Variants in KCNG3 observed in about 807,000 individuals in gnomAD.
KCNG3 encodes voltage-gated potassium channel regulatory subunit KCNG3.
In KCNG3, 15 loss-of-function variants were observed where a neutral mutation model predicts 29.0. That is an observed-to-expected ratio of 0.52 (90% confidence interval 0.35 to 0.80). KCNG3 has a LOEUF of 0.80. Ranked by LOEUF, KCNG3 falls within the 30% of genes least tolerant of loss-of-function variation. The pLI is 0.01. For missense variants in KCNG3, 512 were observed against 605.7 expected (o/e 0.85, Z 1.62); for synonymous variants, 322 against 248.9 (o/e 1.29, Z -2.76).
the KCNG3 span, among the ~76,000 whole-genome samples, chr2:42,426,163 C>T: frequency 1.3e-5 from 2 of 152,080 alleles, no homozygotes; most frequent in Non-Finnish European, 2.9e-5. Flanking sequence ...TTTAAAGATA[C>T]TATTAAAGAT....
intron 1 of KCNG3, among the ~76,000 whole-genome samples, chr2:42,446,266 G>A (rs1009900624): frequency 8.6e-5 from 13 of 151,372 alleles, no homozygotes; most frequent in East Asian, 2.0e-4. Context: ...AACCTCTGCC[G>A]CCTGGGTTCA....
chr2:42,421,844 T>A, the KCNG3 span, among the ~76,000 whole-genome samples: 2 of 152,202 alleles, frequency 1.3e-5, no homozygotes, highest in Non-Finnish European at 2.9e-5. Context: ...AGTGGACAAA[T>A]GCTTTAACAA....
In KCNG3 at chr2:42,462,420, C is replaced by T. The variant is rs557720632; in HGVS notation, c.666-17841G>A. On this transcript the variant is annotated intron_variant, in intron 1 of 1. Transcript: ENST00000306078. The stretch of plus-strand genomic sequence containing the variant: ...GATCTGTCTAAAAAGATCCCTTAGC[C>T]GGGTGCAGTGGCTCATGCCTGTAAT... Among the ~76,000 whole-genome samples the T allele has an allele frequency of 2.6e-5, 4 of 152,302 alleles. No individual in the cohort carries two copies. The East Asian group carries it at 5.8e-4, about 22-fold the overall frequency.
At chr2:42,409,185 C>T in the KCNG3 span, among the ~76,000 whole-genome samples, 1 of 151,964 alleles carries the variant, frequency 6.6e-6, no homozygotes, top group East Asian at 1.9e-4. Context: ...GCCTGCCAGG[C>T]CAAGTGAGTG....
chr2:42,447,848 T>C (rs1445877775), intron 1 of KCNG3, among the ~76,000 whole-genome samples: 1 of 152,184 alleles, frequency 6.6e-6, no homozygotes, highest in African/African-American at 2.4e-5. Flanking sequence ...AATACGTTTG[T>C]ATATCATTTC....
chr2:42,441,881 G>C (rs1476220658), downstream of KCNG3: 1 of 75,252 alleles, frequency 1.3e-5, no homozygotes, highest in African/African-American at 4.5e-5. Context: ...TCAACTGTTT[G>C]TGCCCAAGTC....
intron 1 of KCNG3, among the ~76,000 whole-genome samples, chr2:42,479,573 T>C (rs1325541747): frequency 1.3e-5 from 2 of 148,324 alleles, no homozygotes; most frequent in South Asian, 2.1e-4. Flanking sequence ...TTGAGCTCAG[T>C]AGGTCGAGGC....
At chr2:42,433,609 C>T in the KCNG3 span, among the ~76,000 whole-genome samples, 1 of 152,200 alleles carries the variant, frequency 6.6e-6, no homozygotes, top group South Asian at 2.1e-4. Context: ...CGTGGTAGCG[C>T]ACCCCTGTAA....
At position 42,442,026 on chromosome 2, in the gene KCNG3, A is replaced by C. The variant is rs1672497296; in HGVS notation, c.*1908T>G. On this transcript the variant is annotated 3_prime_UTR_variant, in exon 2 of 2. Coordinates refer to ENST00000306078, the MANE Select transcript of KCNG3 (RefSeq NM_133329.6). ...CCCAGTACCAGTAAAATTGATGGTT[A>C]TCATATTTTTATTAGTAATATGGAG... 1 of 151,880 alleles carries C rather than the reference A, an allele frequency of 6.6e-6. No homozygotes were observed. The highest frequency in any genetic ancestry group is 1.5e-5 in the Non-Finnish European group (1 of 68,012). The allele number at this position is 151,880 out of a possible 1,614,324, so 9.4% of individuals were successfully genotyped here. A position where few individuals can be genotyped will look rare whatever the true frequency, so the allele number is the denominator to read the frequency against.
At chr2:42,406,207 C>A in the KCNG3 span, among the ~76,000 whole-genome samples, 1 of 151,948 alleles carries the variant, frequency 6.6e-6, no homozygotes, top group African/African-American at 2.4e-5. Flanking sequence ...CTTTCCCTGT[C>A]CTTTTTTAAC....
chr2:42,451,204 CAAAAA>C (rs67651134), intron 1 of KCNG3, among the ~76,000 whole-genome samples: 1 of 61,010 alleles, frequency 1.6e-5, no homozygotes, highest in African/African-American at 7.1e-5. Flanking sequence ...GACTCCAACT[CAAAAA>C]AAAAAAAAAA....
chr2:42,404,817 A>G, the KCNG3 span, among the ~76,000 whole-genome samples: 1 of 152,280 alleles, frequency 6.6e-6, no homozygotes, highest in East Asian at 1.9e-4. Context: ...ATACACGGCA[A>G]TGATTGCAAT....
the KCNG3 span, among the ~76,000 whole-genome samples, chr2:42,423,093 C>A: frequency 2.0e-4 from 31 of 152,332 alleles, 1 homozygote; most frequent in African/African-American, 7.0e-4. Flanking sequence ...CCCCAGTGCA[C>A]AGAGCCAACA....
chr2:42,398,739 C>T, the KCNG3 span, among the ~76,000 whole-genome samples: 707 of 152,224 alleles, frequency 4.6e-3, 2 homozygotes, highest in Middle Eastern at 0.014. Flanking sequence ...GGACAGGAGC[C>T]GGGCTCATTT....
chr2:42,478,477 C>CA (rs1221695130), intron 1 of KCNG3, among the ~76,000 whole-genome samples: 1 of 152,050 alleles, frequency 6.6e-6, no homozygotes, highest in Non-Finnish European at 1.5e-5. Context: ...GTGATCCTCC[C>CA]ACCTAGGCCT....
intron 1 of KCNG3, among the ~76,000 whole-genome samples, chr2:42,453,116 A>C (rs1334770326): frequency 6.6e-6 from 1 of 152,182 alleles, no homozygotes; most frequent in Non-Finnish European, 1.5e-5. Context: ...GGTTGCTTCC[A>C]AATCTTGGCT....
chr2:42,400,150 G>C, the KCNG3 span, among the ~76,000 whole-genome samples: 1 of 152,090 alleles, frequency 6.6e-6, no homozygotes, highest in Non-Finnish European at 1.5e-5. Flanking sequence ...GGCTGGCATG[G>C]GTGGTCTTAG....
chr2:42,451,289 T>G (rs1039998479), intron 1 of KCNG3, among the ~76,000 whole-genome samples: 6 of 152,214 alleles, frequency 3.9e-5, no homozygotes, highest in South Asian at 2.1e-4. Context: ...TAGCATTTTT[T>G]TGTGTGTGCC....
intron 1 of KCNG3, among the ~76,000 whole-genome samples, chr2:42,474,247 G>A (rs900119135): frequency 6.6e-6 from 1 of 152,086 alleles, no homozygotes; most frequent in Non-Finnish European, 1.5e-5. Context: ...ACACTGTTCG[G>A]CCAGGCATGG....
Sources: gnomAD v4.1 joint callset for allele counts (sites outside exome capture counted in the v4.1 genomes callset) on GRCh38, gnomAD v4.1.1 for gene constraint, MANE v1.5 for transcripts, NCBI Gene and HGNC (gene_info 2026-07-23, HGNC 2026-07-21) for gene names.